Variants in HPSE2 observed in about 807,000 individuals in gnomAD.
The protein encoded by HPSE2 is heparanase 2 (inactive).
A neutral mutation model predicts 60.5 loss-of-function variants in HPSE2; 38 were observed. The observed-to-expected ratio is 0.63, with a 90% confidence interval of 0.48 to 0.82. HPSE2 has a LOEUF of 0.82. Among genes scored for constraint, HPSE2 ranks in the 40% least tolerant of loss-of-function variants. The probability of loss-of-function intolerance (pLI) is 0.00; values close to 1 mark genes in which losing one functional copy is unlikely to be tolerated. For synonymous variants in HPSE2, 295 were observed against 293.2 expected (o/e 1.01, Z -0.06); for missense variants, 713 against 740.4 (o/e 0.96, Z 0.43).
chr10:98,946,132 A>G (rs1424777192), intron 3 of HPSE2, among the ~76,000 whole-genome samples: 1 of 152,064 alleles, frequency 6.6e-6, no homozygotes, highest in Non-Finnish European at 1.5e-5. Context: ...TTTCTACCAT[A>G]AAATATTACA....
chr10:99,185,528 A>G (rs1050739050), intron 2 of HPSE2, among the ~76,000 whole-genome samples: 1 of 152,036 alleles, frequency 6.6e-6, no homozygotes, highest in African/African-American at 2.4e-5. Context: ...TAATTCCAGC[A>G]TTTTGGGAGG....
At chr10:99,067,697 T>G (rs1842659206) in intron 3 of HPSE2, among the ~76,000 whole-genome samples, 1 of 152,184 alleles carries the variant, frequency 6.6e-6, no homozygotes, top group African/African-American at 2.4e-5. Context: ...AAACCATTTT[T>G]CCCTCCTAGG....
intron 3 of HPSE2, among the ~76,000 whole-genome samples, chr10:99,063,699 A>C (rs1842521945): frequency 6.6e-6 from 1 of 152,256 alleles, no homozygotes; most frequent in Admixed American, 6.5e-5. Flanking sequence ...ATAAATGCCT[A>C]TACACAGACA....
chr10:98,814,192 GT>G (rs1212518099), intron 3 of HPSE2, among the ~76,000 whole-genome samples: 1 of 151,344 alleles, frequency 6.6e-6, no homozygotes, highest in Non-Finnish European at 1.5e-5. Context: ...TTGATACTGA[GT>G]TTTTTAATGT....
intron 2 of HPSE2, among the ~76,000 whole-genome samples, chr10:99,209,057 C>T (rs1189471209): frequency 1.3e-5 from 2 of 152,102 alleles, no homozygotes; most frequent in African/African-American, 4.8e-5. Context: ...TAGCAGGGTA[C>T]TTCAATAACC....
Position 99,235,516 on chromosome 10 carries a change from AG to A in HPSE2, c.286del (p.Leu96Ter). The part of the protein sequence containing the change: ...SIIHDGWLDF[L>X]SSKRLVTLAR... The stretch of plus-strand genomic sequence containing the variant: ...TCCATCGAAACCCCTGCCTTACCTT[AG>A]GAAATCGAGCCAGCCATCATGAATG... On this transcript the variant is annotated frameshift_variant, in exon 1 of 12. Coordinates refer to ENST00000370552, the MANE Select transcript of HPSE2 (RefSeq NM_021828.5). LOFTEE classifies it high-confidence loss of function. 2 of 1,614,108 alleles carry A rather than the reference AG, an allele frequency of 1.2e-6. No individual in the cohort carries two copies. The highest frequency in any genetic ancestry group is 1.7e-6 in the Non-Finnish European group (2 of 1,180,020).
chr10:98,765,486 T>A (rs1950099004), intron 3 of HPSE2, among the ~76,000 whole-genome samples: 1 of 152,050 alleles, frequency 6.6e-6, no homozygotes, highest in Non-Finnish European at 1.5e-5. Flanking sequence ...CATATCGAAA[T>A]TTGTGTGATG....
At chr10:98,823,845 A>C (rs1951480214) in intron 3 of HPSE2, among the ~76,000 whole-genome samples, 2 of 152,156 alleles carry the variant, frequency 1.3e-5, no homozygotes, top group Non-Finnish European at 1.5e-5. Context: ...TCAATAAGAT[A>C]ATATAAGATT....
intron 3 of HPSE2, among the ~76,000 whole-genome samples, chr10:99,079,342 G>A (rs931826344): frequency 6.6e-6 from 1 of 151,458 alleles, no homozygotes; most frequent in Non-Finnish European, 1.5e-5. Flanking sequence ...TATGACAACC[G>A]CCAAACCTCC....
rs990968713 is a variant in HPSE2 at position 98,930,866 on chromosome 10, T to C, written c.611-186810A>G. ...TAAGTTCCTTGTAGATTCTGGATAT[T>C]AGCCCTTTGTCAGATGGATAGATTG... On this transcript the variant is annotated intron_variant, in intron 3 of 11. Coordinates refer to ENST00000370552, the MANE Select transcript of HPSE2 (RefSeq NM_021828.5). Among the ~76,000 whole-genome samples, 3 of 144,402 alleles carry C rather than the reference T, an allele frequency of 2.1e-5. 1 individual carries two copies. The highest frequency in any genetic ancestry group is 2.1e-4 in the Admixed American group (3 of 14,524). 94.7% of individuals were successfully genotyped at this position (144,402 alleles called of 152,430 possible). A position where few individuals can be genotyped will look rare whatever the true frequency, so the allele number is the denominator to read the frequency against.
intron 3 of HPSE2, among the ~76,000 whole-genome samples, chr10:98,867,045 A>T (rs1952605452): frequency 6.6e-6 from 1 of 152,182 alleles, no homozygotes; most frequent in African/African-American, 2.4e-5. Flanking sequence ...CAACCAAATA[A>T]GGTGAGCACT....
At chr10:99,083,360 G>A (rs1480928701) in intron 3 of HPSE2, among the ~76,000 whole-genome samples, 1 of 152,118 alleles carries the variant, frequency 6.6e-6, no homozygotes, top group Non-Finnish European at 1.5e-5. Context: ...TGATTTAAGT[G>A]GATTTCTGCC....
chr10:98,989,438 T>C (rs1455020686), intron 3 of HPSE2, among the ~76,000 whole-genome samples: 2 of 148,420 alleles, frequency 1.3e-5, no homozygotes, highest in African/African-American at 2.5e-5. Context: ...TAGGTGGGAA[T>C]TGAACAATGA....
intron 2 of HPSE2, among the ~76,000 whole-genome samples, chr10:99,164,906 A>C (rs1847010189): frequency 6.6e-6 from 1 of 151,506 alleles, no homozygotes; most frequent in South Asian, 2.1e-4. Context: ...TAACATGGTG[A>C]AACCCCGTCT....
At chr10:98,850,790 T>C (rs1206526105) in intron 3 of HPSE2, among the ~76,000 whole-genome samples, 2 of 150,658 alleles carry the variant, frequency 1.3e-5, no homozygotes, top group East Asian at 3.9e-4. Flanking sequence ...CTAATACCCC[T>C]GCAAAGTGGA....
chr10:98,719,166 A>G, intron 5 of HPSE2, among the ~76,000 whole-genome samples: 1 of 152,166 alleles, frequency 6.6e-6, no homozygotes, highest in East Asian at 1.9e-4. Flanking sequence ...TTTTTACGTT[A>G]GATGACCTTA....
chr10:98,480,612 G>T (rs1941199634), intron 11 of HPSE2, among the ~76,000 whole-genome samples: 1 of 152,146 alleles, frequency 6.6e-6, no homozygotes, highest in South Asian at 2.1e-4. Context: ...AGTCCTGCCT[G>T]CATCCTTGGT....
At chr10:98,473,715 AAAG>A (rs1222187095) in intron 11 of HPSE2, among the ~76,000 whole-genome samples, 1 of 152,114 alleles carries the variant, frequency 6.6e-6, no homozygotes, top group Non-Finnish European at 1.5e-5. Flanking sequence ...AAAAATTGAT[AAAG>A]AAGAAGATAT....
chr10:99,236,372 C>G (rs1343105139), upstream of HPSE2, among the ~76,000 whole-genome samples: 1 of 152,098 alleles, frequency 6.6e-6, no homozygotes, highest in Non-Finnish European at 1.5e-5. Flanking sequence ...CCGAAAGCCC[C>G]AGCGCCAACC....
Sources: gnomAD v4.1 joint callset for allele counts (sites outside exome capture counted in the v4.1 genomes callset) on GRCh38, gnomAD v4.1.1 for gene constraint, MANE v1.5 for transcripts, NCBI Gene and HGNC (gene_info 2026-07-23, HGNC 2026-07-21) for gene names.